Variants in DIP2B observed in about 807,000 individuals in gnomAD.
The protein encoded by DIP2B is DIP2 acetate--CoA ligase B (putative).
A neutral mutation model predicts 198.0 loss-of-function variants in DIP2B; 76 were observed. That is an observed-to-expected ratio of 0.38 (90% CI 0.32 to 0.46). DIP2B has a LOEUF of 0.46. Among genes scored for constraint, DIP2B ranks in the 20% least tolerant of loss-of-function variants. DIP2B has a pLI of 0.99. For missense variants in DIP2B, 1,559 were observed against 1,978.4 expected (o/e 0.79, Z 4.02); for synonymous variants, 701 against 739.1 (o/e 0.95, Z 0.84).
chr12:50,728,405 C>A (rs753203111), intron 29 of DIP2B, 143 bp from the exon 30 acceptor site: 24 of 973,878 alleles, frequency 2.5e-5, no homozygotes, highest in Non-Finnish European at 3.3e-5. Context: ...TTAATGGAGT[C>A]TTAGATTAGG....
chr12:50,666,320 AAC>A (rs1202871637), intron 4 of DIP2B, among the ~76,000 whole-genome samples: 1 of 152,238 alleles, frequency 6.6e-6, no homozygotes, highest in Non-Finnish European at 1.5e-5. Flanking sequence ...TAGTTCACTC[AAC>A]AGTTTTCTAC....
At chr12:50,736,399 C>G (rs1940139634) in intron 34 of DIP2B, among the ~76,000 whole-genome samples, 1 of 152,120 alleles carries the variant, frequency 6.6e-6, no homozygotes, top group African/African-American at 2.4e-5. Context: ...TTTAGAAACC[C>G]AAGATAAAAA....
At chr12:50,534,441 C>T (rs745900415) in intron 1 of DIP2B, among the ~76,000 whole-genome samples, 33 of 139,936 alleles carry the variant, frequency 2.4e-4, no homozygotes, top group Non-Finnish European at 2.6e-4. Context: ...AGCGCAATCT[C>T]GGTTCACTGC....
chr12:50,650,883 G>T (rs963710696), intron 3 of DIP2B, among the ~76,000 whole-genome samples: 7 of 152,082 alleles, frequency 4.6e-5, no homozygotes, highest in Non-Finnish European at 7.4e-5. Flanking sequence ...AGGAAACTCC[G>T]TACTATTTTC....
In DIP2B at chr12:50,505,019, C is replaced by CGGCGGCGGCGGCGGTGCTGGT; in HGVS notation, c.-117_-116insCGGCGGCGGTGCTGGTGGCGG. ...TTGCTCATGGCGGCGGCGGCGGCGG[C>CGGCGGCGGCGGCGGTGCTGGT]GGCGGTGCTGGTGGTGCTCGGCGGC... is the stretch of plus-strand genomic sequence containing the variant. On this transcript the variant is annotated 5_prime_UTR_variant, in exon 1 of 38. Transcript: ENST00000301180. The CGGCGGCGGCGGCGGTGCTGGT allele has an allele frequency of 1.0e-6, 1 of 1,004,888 alleles. No homozygotes were observed. The highest frequency in any genetic ancestry group is 1.4e-6 in the Non-Finnish European group (1 of 692,822). 62.2% of individuals were successfully genotyped at this position (1,004,888 alleles called of 1,614,324 possible).
Position 50,580,529 on chromosome 12 carries a change from T to A in DIP2B, c.101-45447T>A, listed in dbSNP as rs983141114. Among the ~76,000 whole-genome samples the A allele has an allele frequency of 2.0e-4, 27 of 133,044 alleles. 4 individuals are homozygous for A. The highest frequency in any genetic ancestry group is 6.4e-4 in the African/African-American group (25 of 39,066). 87.3% of individuals were successfully genotyped at this position (133,044 alleles called of 152,430 possible). ...ACTCCAGTCTACTTTATCCTTTCTT[T>A]TCTTTTTCCTTTTTTTTTTTTTTTG... On this transcript the variant is annotated intron_variant, in intron 1 of 37. Coordinates refer to ENST00000301180, the MANE Select transcript of DIP2B (RefSeq NM_173602.3).
At chr12:50,574,458 C>T (rs183266717) in intron 1 of DIP2B, among the ~76,000 whole-genome samples, 28 of 152,202 alleles carry the variant, frequency 1.8e-4, no homozygotes, top group Admixed American at 1.6e-3. Flanking sequence ...CAGACCTACC[C>T]CGTGGGCACA....
At position 50,505,205 on chromosome 12, in the gene DIP2B, C is replaced by A; in HGVS notation, c.65C>A (p.Ala22Glu). 2 of 1,521,636 alleles carry A rather than the reference C, an allele frequency of 1.3e-6. No individual in the cohort carries two copies. The highest frequency in any genetic ancestry group is 1.8e-6 in the Non-Finnish European group (2 of 1,140,440). The allele number at this position is 1,521,636 out of a possible 1,614,324, so 94.3% of individuals were successfully genotyped here. A position where few individuals can be genotyped will look rare whatever the true frequency, so the allele number is the denominator to read the frequency against. ...GCGGCGCTGCCGCCTGAAGTGCGGG[C>A]GCAGCTGGCGGAGCTGGAGCTGGAG... The part of the protein sequence containing the change: ...AVAALPPEVR[A>E]QLAELELELS... Residue 22 changes from alanine (A) to glutamate (E), a missense_variant, in exon 1 of 38, where the codon GCG becomes GAG. Ala to Glu is a moderately radical substitution (Grantham distance 107). Coordinates refer to ENST00000301180, the MANE Select transcript of DIP2B (RefSeq NM_173602.3).
intron 5 of DIP2B, among the ~76,000 whole-genome samples, chr12:50,671,895 G>T (rs1028246862): frequency 6.6e-5 from 10 of 152,200 alleles, no homozygotes; most frequent in Admixed American, 6.5e-4. Context: ...TGTGCAGGCC[G>T]AGGATATTGG....
At chr12:50,573,109 C>T (rs1312803669) in intron 1 of DIP2B, among the ~76,000 whole-genome samples, 1 of 152,160 alleles carries the variant, frequency 6.6e-6, no homozygotes, top group African/African-American at 2.4e-5. Flanking sequence ...GTTAAGTATC[C>T]TTTTTAGGCA....
chr12:50,563,275 C>T (rs961074568), intron 1 of DIP2B, among the ~76,000 whole-genome samples: 6 of 152,070 alleles, frequency 3.9e-5, no homozygotes, highest in Non-Finnish European at 8.8e-5. Context: ...CAGTCTGCCC[C>T]GCCTGGGCTC....
intron 1 of DIP2B, among the ~76,000 whole-genome samples, chr12:50,579,078 G>A (rs1303576093): frequency 2.0e-5 from 3 of 152,056 alleles, no homozygotes; most frequent in African/African-American, 4.8e-5. Context: ...GTACAATTCT[G>A]TGTTGTGTCA....
intron 1 of DIP2B, among the ~76,000 whole-genome samples, chr12:50,625,720 C>T (rs141951297): frequency 7.0e-4 from 106 of 152,210 alleles, no homozygotes; most frequent in Non-Finnish European, 1.3e-3. Flanking sequence ...TTGGGGATCT[C>T]TGTCATGGTA....
At chr12:50,675,495 C>G in intron 7 of DIP2B, 47 bp downstream of exon 7, 1 of 1,556,426 alleles carries the variant, frequency 6.4e-7, no homozygotes, top group Non-Finnish European at 8.8e-7. Context: ...ATAAATATAT[C>G]TTAAGCAGTT....
At chr12:50,607,317 A>G (rs1217880357) in intron 1 of DIP2B, among the ~76,000 whole-genome samples, 1 of 152,228 alleles carries the variant, frequency 6.6e-6, no homozygotes, top group African/African-American at 2.4e-5. Context: ...AGGAAACTTA[A>G]CTAACATATC....
chr12:50,526,220 T>A (rs1958163604), intron 1 of DIP2B, among the ~76,000 whole-genome samples: 1 of 152,170 alleles, frequency 6.6e-6, no homozygotes, highest in Non-Finnish European at 1.5e-5. Context: ...AGTAAAGAAG[T>A]GTAGGCTCTG....
intron 1 of DIP2B, among the ~76,000 whole-genome samples, chr12:50,601,146 A>G (rs1958932528): frequency 6.6e-6 from 1 of 151,804 alleles, no homozygotes; most frequent in African/African-American, 2.4e-5. Flanking sequence ...CCACAAGGGG[A>G]CCCTTGTCTG....
rs1461320160 is a variant in DIP2B at position 50,746,689 on chromosome 12, T to C, written c.*1850T>C. 6 of 152,202 alleles carry C rather than the reference T, an allele frequency of 3.9e-5. No individual in the cohort carries two copies. In the South Asian group the frequency reaches 6.2e-4, roughly 16 times the overall value. 9.4% of individuals were successfully genotyped at this position (152,202 alleles called of 1,614,324 possible). On this transcript the variant is annotated 3_prime_UTR_variant, in exon 38 of 38. Transcript: ENST00000301180. ...GATGGATAGAAAAAAAGCACTTACA[T>C]TGGGGCACACAGGAAATCCCAGTGT...
intron 1 of DIP2B, among the ~76,000 whole-genome samples, chr12:50,566,942 A>G (rs1958569252): frequency 6.8e-6 from 1 of 146,158 alleles, no homozygotes; most frequent in Non-Finnish European, 1.5e-5. Context: ...ACTGCACTCC[A>G]GCCTGGGTGA....
Sources: allele counts gnomAD v4.1 joint callset (sites outside exome capture counted in the v4.1 genomes callset), GRCh38; gene constraint gnomAD v4.1.1; transcripts MANE v1.5; gene names NCBI Gene and HGNC (gene_info 2026-07-23, HGNC 2026-07-21).